Variants in ZNF285 observed in about 807,000 individuals in gnomAD.
The protein encoded by ZNF285 is zinc finger protein 285, also known as zinc finger protein 285A.
In ZNF285, 4 loss-of-function variants were observed where a neutral mutation model predicts 6.2. That is an observed-to-expected ratio of 0.65 (90% CI 0.32 to 1.49). ZNF285 has a LOEUF of 1.49. Among genes scored for constraint, ZNF285 ranks in the 40% most tolerant of loss-of-function variants. The pLI is 0.07. For missense variants in ZNF285, 695 were observed against 708.8 expected (o/e 0.98, Z 0.22); for synonymous variants, 240 against 245.8 (o/e 0.98, Z 0.22).
chr19:44,387,207 G>A lies in ZNF285; in HGVS notation c.1038C>T (p.Cys346=), dbSNP rs557314389. Residue 346 remains cysteine (C), a synonymous_variant, in exon 4 of 4, where the codon TGC becomes TGT. Coordinates refer to ENST00000614994, the MANE Select transcript of ZNF285 (RefSeq NM_152354.6). Reference sequence around the variant, plus strand: ...ATCCAAACCCTTTCCCACATTCATCGCATTTGTAGGGCATCTCCCCTGTGT... The same window carrying A: ...ATCCAAACCCTTTCCCACATTCATCACATTTGTAGGGCATCTCCCCTGTGT... ...RVHTGEMPYK[C]DECGKGFGFR... is the part of the protein sequence containing the mutation. 5.5e-5 allele frequency: 89 copies of A among 1,614,006 alleles called. 1 individual carries two copies. The highest frequency in any genetic ancestry group is 4.9e-4 in the Middle Eastern group (3 of 6,062).
chr19:44,386,863 C>A lies in ZNF285; in HGVS notation c.1382G>T (p.Cys461Phe), dbSNP rs749713309. The A allele has an allele frequency of 6.2e-7, 1 of 1,614,228 alleles. No homozygotes were observed. The highest frequency in any genetic ancestry group is 1.7e-5 in the Admixed American group (1 of 60,026). Residue 461 changes from cysteine to phenylalanine, a missense_variant, in exon 4 of 4, where the codon TGT (cysteine) becomes TTT (phenylalanine). By Grantham distance (205) the Cys-to-Phe change is radical. Transcript: ENST00000614994. ...TGEKPYKCNV[C>F]GKDFAYSSVL... ...AGAGCTATACGCAAAATCCTTTCCA[C>A]ACACATTGCATTTGTATGGTTTCTC...
rs1971037420 is a variant in ZNF285, at chr19:44,384,131, A to G, written c.*2341T>C. On this transcript the variant is annotated 3_prime_UTR_variant, in exon 4 of 4. Transcript: ENST00000614994. ...CTGGAGTATGTGGTGGACATGGACAATAACATGTGGACATTTTTATAGGTC... is the reference window on the plus strand; with the variant it reads ...CTGGAGTATGTGGTGGACATGGACAGTAACATGTGGACATTTTTATAGGTC... 1 of 152,200 alleles carries G rather than the reference A, an allele frequency of 6.6e-6. No individual in the cohort carries two copies. Among genetic ancestry groups the G allele is most frequent in the Admixed American group, 6.5e-5 (1 of 15,282 alleles). The allele number at this position is 152,200 out of a possible 1,614,324, so 9.4% of individuals were successfully genotyped here. A position where few individuals can be genotyped will look rare whatever the true frequency, so the allele number is the denominator to read the frequency against.
Position 44,388,050 on chromosome 19 carries a change from G to GT in ZNF285, c.194dup (p.Tyr65Ter). The change falls in exon 4 of 4, where the codon TAC (tyrosine) becomes TAAC (stop). Residue 65 changes from tyrosine (Y) to a stop codon, truncating the protein, a stop_gained and frameshift_variant. Coordinates refer to ENST00000614994, the MANE Select transcript of ZNF285 (RefSeq NM_152354.6). LOFTEE classifies it low-confidence loss of function (END_TRUNC). ...ILNLQAKGLSYLSQEVLHCWQ... is the reference protein window; with the variant it reads ...ILNLQAKGLS Reference sequence around the variant, plus strand: ...AGCAATGAAGCACTTCTTGCGAAAGGTAACTTAACCCCTTTGCCTGAAGAT... The same window carrying GT: ...AGCAATGAAGCACTTCTTGCGAAAGGTTAACTTAACCCCTTTGCCTGAAGAT... The GT allele has an allele frequency of 6.2e-7, 1 of 1,614,052 alleles. No individual in the cohort carries two copies. Among genetic ancestry groups the GT allele is most frequent in the Non-Finnish European group, 8.5e-7 (1 of 1,180,002 alleles).
At position 44,386,987 on chromosome 19, in the gene ZNF285, T is replaced by A; in HGVS notation, c.1258A>T (p.Arg420Trp). Residue 420 changes from arginine to tryptophan, a missense_variant, in exon 4 of 4, where the codon AGG becomes TGG. Arg to Trp is a moderately radical substitution (Grantham distance 101). Coordinates refer to ENST00000614994, the MANE Select transcript of ZNF285 (RefSeq NM_152354.6). ...TATGGTTTCTCCCCTGTGTGAAACC[T>A]CCAGTGGACTTGAAGAACGGAGCTT... is the stretch of plus-strand genomic sequence containing the variant. ...SSSSVLQVHW[R>W]FHTGEKPYRC... The A allele has an allele frequency of 6.2e-7, 1 of 1,614,054 alleles. No homozygotes were observed. Among genetic ancestry groups the A allele is most frequent in the Non-Finnish European group, 8.5e-7 (1 of 1,180,002 alleles).
At chr19:44,399,389 T>TAAAAA (rs1281584523) in intron 1 of ZNF285, among the ~76,000 whole-genome samples, 1 of 119,846 alleles carries the variant, frequency 8.3e-6, no homozygotes, top group African/African-American at 3.8e-5. Context: ...CTACAAATCC[T>TAAAAA]AAAAAAAAAA....
At chr19:44,390,886 T>C (rs780131768) in intron 3 of ZNF285, among the ~76,000 whole-genome samples, 2 of 152,026 alleles carry the variant, frequency 1.3e-5, no homozygotes, top group Non-Finnish European at 2.9e-5. Context: ...CTGGGCACGG[T>C]GGCTTGCACC....
At position 44,383,402 on chromosome 19, in the gene ZNF285, C is replaced by G. The variant is rs1303512295; in HGVS notation, c.*3070G>C. The G allele has an allele frequency of 6.6e-6, 1 of 152,194 alleles. No homozygotes were observed. Among genetic ancestry groups the G allele is most frequent in the African/African-American group, 2.4e-5 (1 of 41,448 alleles). The allele number at this position is 152,194 out of a possible 1,614,324, so 9.4% of individuals were successfully genotyped here. On this transcript the variant is annotated 3_prime_UTR_variant, in exon 4 of 4. Transcript: ENST00000614994. ...AGCTTTTGCCCTTGAAACCCTGGCA[C>G]TATGGGACCAACCCTCGATTGGTCT...
At chr19:44,398,250 C>T (rs17800303) in intron 1 of ZNF285, among the ~76,000 whole-genome samples, 142 of 152,088 alleles carry the variant, frequency 9.3e-4, no homozygotes, top group African/African-American at 3.0e-3. Context: ...GCAGGTAGAC[C>T]AAAGTAGGTA....
chr19:44,390,288 G>A (rs1435013448), intron 3 of ZNF285, among the ~76,000 whole-genome samples: 2 of 152,154 alleles, frequency 1.3e-5, no homozygotes, highest in African/African-American at 4.8e-5. Flanking sequence ...AGCCACAGGG[G>A]TGGAGCTGCC....
chr19:44,392,219 T>C, intron 3 of ZNF285, 121 bp downstream of exon 3: 1 of 1,543,380 alleles, frequency 6.5e-7, no homozygotes, highest in Non-Finnish European at 8.7e-7. Flanking sequence ...CACATGCATC[T>C]CTTAGGAGTT....
intron 1 of ZNF285, among the ~76,000 whole-genome samples, chr19:44,398,269 C>G (rs1599972892): frequency 6.6e-6 from 1 of 152,100 alleles, no homozygotes; most frequent in African/African-American, 2.4e-5. Flanking sequence ...TAGACAGAGG[C>G]CTTCTAAGCT....
In ZNF285 at chr19:44,385,161, T is replaced by G. The variant is rs1971049902; in HGVS notation, c.*1311A>C. On this transcript the variant is annotated 3_prime_UTR_variant, in exon 4 of 4. Coordinates refer to ENST00000614994, the MANE Select transcript of ZNF285 (RefSeq NM_152354.6). ...AGAAGAAGACTGCATCAGTCTGCAA[T>G]GAACACTGTTGGTTTTTTACATGTT... is the stretch of plus-strand genomic sequence containing the variant. 6.6e-6 allele frequency: 1 copy of G among 152,198 alleles called. No individual in the cohort carries two copies. The highest frequency in any genetic ancestry group is 1.5e-5 in the Non-Finnish European group (1 of 68,030). 9.4% of individuals were successfully genotyped at this position (152,198 alleles called of 1,614,324 possible). A position where few individuals can be genotyped will look rare whatever the true frequency, so the allele number is the denominator to read the frequency against.
chr19:44,400,832 T>G (rs1181194206), intron 1 of ZNF285, among the ~76,000 whole-genome samples: 3 of 152,062 alleles, frequency 2.0e-5, no homozygotes, highest in Non-Finnish European at 2.9e-5. Context: ...CCGCCCACTT[T>G]GGCCTCCCAA....
rs113776138 is a variant in ZNF285 at position 44,392,258 on chromosome 19, G to A, written c.142+82C>T. On this transcript the variant is annotated intron_variant, in intron 3 of 3. Coordinates refer to ENST00000614994, the MANE Select transcript of ZNF285 (RefSeq NM_152354.6). Reference sequence around the variant, plus strand: ...TTTCCAGTGGCCAAAGTTTCTCTTTGTGGTCTAACTGGAATATTCTATCTG... The same window carrying A: ...TTTCCAGTGGCCAAAGTTTCTCTTTATGGTCTAACTGGAATATTCTATCTG... 9,900 of 1,579,170 alleles carry A rather than the reference G, an allele frequency of 6.3e-3. 80 individuals are homozygous for A. The highest frequency in any genetic ancestry group is 5.4e-3 in the Non-Finnish European group (6,316 of 1,164,054).
intron 2 of ZNF285, chr19:44,396,909 C>T (rs1360540656): frequency 3.7e-5 from 15 of 405,520 alleles, no homozygotes; most frequent in Non-Finnish European, 5.8e-5. Flanking sequence ...TCTGAACTTA[C>T]TCTTGATTCT....
Position 44,384,231 on chromosome 19 carries a change from C to A in ZNF285, c.*2241G>T, listed in dbSNP as rs1971038450. On this transcript the variant is annotated 3_prime_UTR_variant, in exon 4 of 4. Coordinates refer to ENST00000614994, the MANE Select transcript of ZNF285 (RefSeq NM_152354.6). ...ATTTACTCAATCTCTTATACATGAA[C>A]CTTCAGGTTGTTTACAGTCTTCTCA... The A allele has an allele frequency of 6.6e-6, 1 of 152,138 alleles. No homozygotes were observed. Among genetic ancestry groups the A allele is most frequent in the Admixed American group, 6.5e-5 (1 of 15,276 alleles). 9.4% of individuals were successfully genotyped at this position (152,138 alleles called of 1,614,324 possible). A position where few individuals can be genotyped will look rare whatever the true frequency, so the allele number is the denominator to read the frequency against.
At position 44,386,963 on chromosome 19, in the gene ZNF285, A is replaced by G. The variant is rs779552311; in HGVS notation, c.1282T>C (p.Tyr428His). ...CCCTTTCCACACTCACCACACCTAT[A>G]TGGTTTCTCCCCTGTGTGAAACCTC... is the stretch of plus-strand genomic sequence containing the variant. Reference protein sequence around the residue: ...HWRFHTGEKPYRCGECGKGFS... With the variant: ...HWRFHTGEKPHRCGECGKGFS... Residue 428 changes from tyrosine to histidine, a missense_variant, in exon 4 of 4, where the codon TAT becomes CAT. Transcript: ENST00000614994. The G allele has an allele frequency of 1.2e-6, 2 of 1,614,086 alleles. No individual in the cohort carries two copies. The highest frequency in any genetic ancestry group is 1.1e-5 in the South Asian group (1 of 91,080).
rs1178296861 is a variant in ZNF285 at position 44,387,913 on chromosome 19, C to T, written c.332G>A (p.Trp111Ter). 3 of 1,613,882 alleles carry T rather than the reference C, an allele frequency of 1.9e-6. No homozygotes were observed. Among genetic ancestry groups the T allele is most frequent in the South Asian group, 2.2e-5 (2 of 91,078 alleles). ...HLEDVSLSEE[W>*]AGISLQISEN... ...AGAAATCTGAAGAGAAATGCCTGCC[C>T]ACTCTTCACTGAGGGAAACATCTTC... is the stretch of plus-strand genomic sequence containing the variant. Residue 111 changes from tryptophan to a stop codon, truncating the protein, a stop_gained, in exon 4 of 4, where the codon TGG becomes TAG. Transcript: ENST00000614994. LOFTEE classifies it low-confidence loss of function (END_TRUNC).
intron 3 of ZNF285, among the ~76,000 whole-genome samples, chr19:44,391,905 A>C (rs1292284920): frequency 6.6e-6 from 1 of 152,164 alleles, no homozygotes; most frequent in East Asian, 1.9e-4. Context: ...GTAACTGCCA[A>C]CCAAACCAAA....
Sources: allele counts gnomAD v4.1 joint callset (sites outside exome capture counted in the v4.1 genomes callset), GRCh38; gene constraint gnomAD v4.1.1; transcripts MANE v1.5; gene names NCBI Gene and HGNC (gene_info 2026-07-23, HGNC 2026-07-21).